MYO1D: variants seen among roughly 807,000 people sequenced by gnomAD.
The protein encoded by MYO1D is unconventional myosin-Id.
Under a neutral mutation model 122.0 loss-of-function variants are expected in MYO1D, and 83 were observed. The observed-to-expected ratio is 0.68, with a 90% CI of 0.57 to 0.82. The LOEUF is 0.82. Among genes scored for constraint, MYO1D ranks in the 40% least tolerant of loss-of-function variants. The pLI, the probability that MYO1D is intolerant of heterozygous loss-of-function variation, is 0.00. For synonymous variants in MYO1D, 464 were observed against 446.9 expected (o/e 1.04, Z -0.48); for missense variants, 1,157 against 1,269.5 (o/e 0.91, Z 1.35).
intron 21 of MYO1D, among the ~76,000 whole-genome samples, chr17:32,586,168 A>T (rs1041468662): frequency 1.3e-5 from 2 of 152,226 alleles, no homozygotes; most frequent in African/African-American, 4.8e-5. Context: ...TGAGCAAACC[A>T]TAAGAATTCG....
intron 1 of MYO1D, among the ~76,000 whole-genome samples, chr17:32,832,284 T>A (rs1316235951): frequency 2.0e-5 from 3 of 150,992 alleles, no homozygotes; most frequent in Admixed American, 6.6e-5. Context: ...ACTAATTTTT[T>A]TCTTTCTTCT....
intron 17 of MYO1D, 27 bp from the exon 18 acceptor site, chr17:32,654,648 A>G (rs756231212): frequency 6.5e-7 from 1 of 1,550,032 alleles, no homozygotes; most frequent in East Asian, 2.3e-5. Context: ...AACATGTATT[A>G]GACTTTAGAA....
chr17:32,807,228 T>C (rs1465917095), intron 1 of MYO1D, among the ~76,000 whole-genome samples: 1 of 152,122 alleles, frequency 6.6e-6, no homozygotes, highest in Non-Finnish European at 1.5e-5. Flanking sequence ...TTTAAAGCAG[T>C]TTAAACACTT....
At chr17:32,572,490 C>T (rs1019021645) in intron 21 of MYO1D, among the ~76,000 whole-genome samples, 1 of 152,206 alleles carries the variant, frequency 6.6e-6, no homozygotes, top group African/African-American at 2.4e-5. Flanking sequence ...AATGTTAGTA[C>T]AAGCCACTGT....
chr17:32,675,080 A>G (rs1249753418), intron 16 of MYO1D, among the ~76,000 whole-genome samples: 1 of 152,254 alleles, frequency 6.6e-6, no homozygotes, highest in East Asian at 1.9e-4. Context: ...TGAACATAAC[A>G]CAATTAACTA....
At chr17:32,721,983 C>T (rs1204373473) in intron 14 of MYO1D, among the ~76,000 whole-genome samples, 1 of 152,172 alleles carries the variant, frequency 6.6e-6, no homozygotes, top group African/African-American at 2.4e-5. Flanking sequence ...ATCTATCAGA[C>T]ACACACAGAT....
Position 32,573,598 on chromosome 17 carries a change from C to T in MYO1D, c.2864+31489G>A, listed in dbSNP as rs1048129659. ...GCAGTGGTGTGATCACCGCACACTGCAGCCTCGAACTCCTGGGCTCAAGCA... is the reference window on the plus strand; with the variant it reads ...GCAGTGGTGTGATCACCGCACACTGTAGCCTCGAACTCCTGGGCTCAAGCA... On this transcript the variant is annotated intron_variant, in intron 21 of 21. Transcript: ENST00000318217. 3.5e-4 allele frequency among the ~76,000 whole-genome samples: 53 copies of T among 152,156 alleles called. 1 individual carries two copies. The highest frequency in any genetic ancestry group is 3.5e-3 in the Admixed American group (53 of 15,290).
chr17:32,776,051 G>C, intron 3 of MYO1D, 22 bp from the exon 4 acceptor site: 1 of 1,599,216 alleles, frequency 6.3e-7, no homozygotes, highest in Non-Finnish European at 8.5e-7. Flanking sequence ...ATAAATGAAA[G>C]TCATTATAAA....
chr17:32,561,574 C>T (rs1409990410), intron 21 of MYO1D, among the ~76,000 whole-genome samples: 11 of 151,288 alleles, frequency 7.3e-5, no homozygotes. Flanking sequence ...CCTGTAGTCC[C>T]AGCTACTTGG....
intron 16 of MYO1D, among the ~76,000 whole-genome samples, chr17:32,678,250 A>C (rs2088851669): frequency 2.1e-5 from 2 of 96,746 alleles, no homozygotes; most frequent in South Asian, 3.6e-4. Flanking sequence ...TCAAAAATAT[A>C]TTTCTTTTTT....
chr17:32,640,203 T>A (rs2150940235), intron 19 of MYO1D, among the ~76,000 whole-genome samples: 1 of 152,280 alleles, frequency 6.6e-6, no homozygotes, highest in East Asian at 1.9e-4. Context: ...GTGGAATAAT[T>A]ATTAGCCTTA....
At chr17:32,755,101 C>T (rs1407516619) in intron 11 of MYO1D, among the ~76,000 whole-genome samples, 1 of 152,176 alleles carries the variant, frequency 6.6e-6, no homozygotes, top group African/African-American at 2.4e-5. Flanking sequence ...CTGAGGATTA[C>T]AGTAAAAAGT....
At chr17:32,835,342 ATT>A (rs2090812874) in intron 1 of MYO1D, among the ~76,000 whole-genome samples, 1 of 151,934 alleles carries the variant, frequency 6.6e-6, no homozygotes, top group Admixed American at 6.6e-5. Flanking sequence ...CTCCTATAAC[ATT>A]TGTTATACTT....
chr17:32,843,368 G>C (rs2090902783), intron 1 of MYO1D, among the ~76,000 whole-genome samples: 1 of 152,100 alleles, frequency 6.6e-6, no homozygotes, highest in Admixed American at 6.5e-5. Flanking sequence ...TATCCATAAA[G>C]AACAAACTCC....
chr17:32,827,506 A>C (rs1414028350), intron 1 of MYO1D, among the ~76,000 whole-genome samples: 1 of 152,236 alleles, frequency 6.6e-6, no homozygotes, highest in African/African-American at 2.4e-5. Context: ...ATGTGAATGT[A>C]CTTAATGCTA....
At chr17:32,694,765 A>G (rs1239021635) in intron 16 of MYO1D, among the ~76,000 whole-genome samples, 2 of 151,060 alleles carry the variant, frequency 1.3e-5, no homozygotes, top group Non-Finnish European at 2.9e-5. Context: ...TCTGACTCAT[A>G]TATCCAACTG....
chr17:32,834,772 G>A (rs1266883587), intron 1 of MYO1D, among the ~76,000 whole-genome samples: 2 of 152,298 alleles, frequency 1.3e-5, no homozygotes, highest in African/African-American at 4.8e-5. Flanking sequence ...CCAGCACTTC[G>A]GAAGGCCGAG....
intron 20 of MYO1D, among the ~76,000 whole-genome samples, chr17:32,623,634 G>A (rs1007014255): frequency 6.6e-6 from 1 of 152,126 alleles, no homozygotes; most frequent in Non-Finnish European, 1.5e-5. Context: ...ACAGATACGC[G>A]ATCATGAGGC....
At chr17:32,790,768 CAAAGAGAGAGA>C (rs1043166642) in intron 1 of MYO1D, among the ~76,000 whole-genome samples, 2 of 152,080 alleles carry the variant, frequency 1.3e-5, no homozygotes, top group African/African-American at 4.8e-5. Flanking sequence ...ATATGCAGGG[CAAAGAGAGAGA>C]AGAGGGAGAG....
Sources: gnomAD v4.1 joint callset for allele counts (sites outside exome capture counted in the v4.1 genomes callset) on GRCh38, gnomAD v4.1.1 for gene constraint, MANE v1.5 for transcripts, NCBI Gene and HGNC (gene_info 2026-07-23, HGNC 2026-07-21) for gene names.